NIN: variants seen among roughly 807,000 people sequenced by gnomAD.
NIN encodes the protein glycogen synthase kinase 3 beta-interacting protein.
A neutral mutation model predicts 257.6 loss-of-function variants in NIN; 137 were observed. The ratio of observed to expected loss-of-function variants is 0.53; its 90% CI spans 0.46 to 0.61. The LOEUF is 0.61. NIN is among the 20% of genes least tolerant of loss of function. The pLI, the probability that NIN is intolerant of heterozygous loss-of-function variation, is 0.00. For synonymous variants in NIN, 918 were observed against 919.8 expected (o/e 1.00, Z 0.04); for missense variants, 2,439 against 2,501.2 (o/e 0.98, Z 0.53).
chr14:50,813,518 C>T (rs1271576116), intron 3 of NIN, among the ~76,000 whole-genome samples: 1 of 152,190 alleles, frequency 6.6e-6, no homozygotes, highest in Non-Finnish European at 1.5e-5. Context: ...GAGAAATTTA[C>T]CTCATTACTT....
intron 4 of NIN, among the ~76,000 whole-genome samples, chr14:50,794,248 C>A (rs2043735253): frequency 6.6e-6 from 1 of 152,190 alleles, no homozygotes; most frequent in Non-Finnish European, 1.5e-5. Flanking sequence ...TGGCCAGACA[C>A]ATTCTGAACA....
rs566188075 is a variant in NIN, at chr14:50,830,574, A to C, written c.-75-57T>G. ...CTGGAGAAACGGGACAATACTTCGC[A>C]GCCGGCGCAGCGGTTCCGGGCGGGC... On this transcript the variant is annotated intron_variant, in intron 1 of 30. Coordinates refer to ENST00000530997, the MANE Select transcript of NIN (RefSeq NM_020921.4). 2.2e-3 allele frequency: 366 copies of C among 168,020 alleles called. 2 individuals are homozygous for C. The highest frequency in any genetic ancestry group is 8.4e-3 in the African/African-American group (350 of 41,614). The allele number at this position is 168,020 out of a possible 1,614,324, so 10.4% of individuals were successfully genotyped here. A position where few individuals can be genotyped will look rare whatever the true frequency, so the allele number is the denominator to read the frequency against.
In NIN at chr14:50,770,467, C is replaced by T. The variant is rs182667346; in HGVS notation, c.1355G>A (p.Arg452His). ...EQILQQAGKQ[R>H]LELEQEIEKA... ...TTCAATTTCCTGTTCAAGTTCTAAA[C>T]GCTGCTTGCCTGCCTGCTGCAGGAT... is the stretch of plus-strand genomic sequence containing the variant. Residue 452 changes from arginine to histidine, a missense_variant, in exon 12 of 31, where the codon CGT (arginine) becomes CAT (histidine). By Grantham distance (29) the Arg-to-His change is conservative. Coordinates refer to ENST00000530997, the MANE Select transcript of NIN (RefSeq NM_020921.4). The T allele has an allele frequency of 2.4e-5, 39 of 1,614,098 alleles. No individual in the cohort carries two copies. Among genetic ancestry groups the T allele is most frequent in the Middle Eastern group, 1.6e-4 (1 of 6,084 alleles).
chr14:50,759,508 TTTTG>T (rs1421747350), intron 17 of NIN, among the ~76,000 whole-genome samples: 1 of 152,006 alleles, frequency 6.6e-6, no homozygotes, highest in African/African-American at 2.4e-5. Context: ...TTTTTTTTTT[TTTTG>T]AGACGGAGTC....
intron 12 of NIN, among the ~76,000 whole-genome samples, chr14:50,770,148 G>A (rs952766360): frequency 2.0e-5 from 3 of 152,114 alleles, no homozygotes; most frequent in South Asian, 2.1e-4. Context: ...TAGTGAACCC[G>A]CAGTGGGAGA....
At chr14:50,802,511 T>C (rs1156750259) in intron 4 of NIN, among the ~76,000 whole-genome samples, 1 of 152,214 alleles carries the variant, frequency 6.6e-6, no homozygotes, top group Non-Finnish European at 1.5e-5. Context: ...AGAATTTATA[T>C]ACAACTGCCT....
intron 5 of NIN, among the ~76,000 whole-genome samples, chr14:50,783,633 A>G (rs1429596131): frequency 2.0e-5 from 3 of 147,730 alleles, no homozygotes; most frequent in African/African-American, 7.6e-5. Flanking sequence ...AGCATTTGTT[A>G]TTAAATTGCT....
At chr14:50,780,385 G>A (rs562299425) in intron 5 of NIN, among the ~76,000 whole-genome samples, 14 of 152,190 alleles carry the variant, frequency 9.2e-5, no homozygotes, top group Non-Finnish European at 1.0e-4. Context: ...CTTAGAATCC[G>A]AAAATAAACT....
intron 28 of NIN, among the ~76,000 whole-genome samples, chr14:50,734,120 G>A (rs73295453): frequency 1.3e-3 from 191 of 148,032 alleles, no homozygotes; most frequent in African/African-American, 4.5e-3. Context: ...GATGGAGTCC[G>A]GCATTGTTGC....
At chr14:50,725,022 C>T (rs2040357543) in intron 30 of NIN, among the ~76,000 whole-genome samples, 1 of 152,132 alleles carries the variant, frequency 6.6e-6, no homozygotes, top group Non-Finnish European at 1.5e-5. Context: ...TATCCCTGTG[C>T]CCACGGCAGG....
intron 8 of NIN, 121 bp from the exon 9 acceptor site, chr14:50,772,589 A>G: frequency 1.2e-6 from 1 of 834,006 alleles, no homozygotes; most frequent in Admixed American, 2.5e-5. Flanking sequence ...TGCCAGGAAA[A>G]AAGTCATGCA....
At chr14:50,794,543 A>C (rs555752836) in intron 4 of NIN, 1 of 883,546 alleles carries the variant, frequency 1.1e-6, no homozygotes, top group East Asian at 9.6e-5. Flanking sequence ...GATAAGAGGC[A>C]ATGCAGAACC....
intron 2 of NIN, among the ~76,000 whole-genome samples, chr14:50,825,964 T>G (rs1176722938): frequency 3.3e-5 from 5 of 152,212 alleles, no homozygotes; most frequent in Non-Finnish European, 5.9e-5. Flanking sequence ...GCTTTGGGAT[T>G]TAGGGCATGA....
Position 50,758,503 on chromosome 14 carries a change from C to G in NIN, c.2527G>C (p.Glu843Gln). 1 of 1,614,222 alleles carries G rather than the reference C, an allele frequency of 6.2e-7. No homozygotes were observed. Among genetic ancestry groups the G allele is most frequent in the South Asian group, 1.1e-5 (1 of 91,084 alleles). Residue 843 changes from glutamate (E) to glutamine (Q), a missense_variant, in exon 18 of 31, where the codon GAG (glutamate) becomes CAG (glutamine). By Grantham distance (29) the Glu-to-Gln change is conservative. Coordinates refer to ENST00000530997, the MANE Select transcript of NIN (RefSeq NM_020921.4). ...LQSLEGRYRQ[E>Q]LKDLQEQQRE... is the part of the protein sequence containing the mutation. ...TGCTGTTCCTGGAGGTCCTTCAGCTCTTGGCGGTAGCGCCCCTCCAGGCTT... is the reference window on the plus strand; with the variant it reads ...TGCTGTTCCTGGAGGTCCTTCAGCTGTTGGCGGTAGCGCCCCTCCAGGCTT...
In NIN at chr14:50,770,923, G is replaced by A; in HGVS notation, c.1188C>T (p.Leu396=). The A allele has an allele frequency of 6.2e-7, 1 of 1,614,192 alleles. No individual in the cohort carries two copies. The highest frequency in any genetic ancestry group is 8.5e-7 in the Non-Finnish European group (1 of 1,180,038). ...LRSDLDKAEK[L]KSLMASEVDD... is the part of the protein sequence containing the mutation. Reference sequence around the variant, plus strand: ...CCACCTCCGAGGCCATTAAAGACTTGAGCTTCTCGGCCTTGTCCAGATCTG... The same window carrying A: ...CCACCTCCGAGGCCATTAAAGACTTAAGCTTCTCGGCCTTGTCCAGATCTG... Residue 396 remains leucine, a synonymous_variant, in exon 11 of 31, where the codon CTC becomes CTT. Transcript: ENST00000530997.
At position 50,723,003 on chromosome 14, in the gene NIN, CAAAACTATTAT is replaced by C. The variant is rs2040299063; in HGVS notation, c.*449_*459del. The C allele has an allele frequency of 4.7e-6, 1 of 211,470 alleles. No homozygotes were observed. Among genetic ancestry groups the C allele is most frequent in the Admixed American group, 5.8e-5 (1 of 17,352 alleles). 13.1% of individuals were successfully genotyped at this position (211,470 alleles called of 1,614,324 possible). ...CTAATTGTCTACCAATTCAAAGAAC[CAAAACTATTAT>C]AATGACTTTCCAGTATTTAAATATG... On this transcript the variant is annotated 3_prime_UTR_variant, in exon 31 of 31. Coordinates refer to ENST00000530997, the MANE Select transcript of NIN (RefSeq NM_020921.4).
At chr14:50,738,354 T>G (rs1173662289) in intron 26 of NIN, 68 bp from the exon 27 acceptor site, 2 of 1,423,872 alleles carry the variant, frequency 1.4e-6, no homozygotes, top group African/African-American at 2.9e-5. Flanking sequence ...ACAACAAACA[T>G]AGGGAAAGTT....
rs1209073428 is a variant in NIN, at chr14:50,722,385, C to A, written c.*1078G>T. 1 of 212,918 alleles carries A rather than the reference C, an allele frequency of 4.7e-6. No individual in the cohort carries two copies. Among genetic ancestry groups the A allele is most frequent in the Non-Finnish European group, 9.5e-6 (1 of 105,186 alleles). The allele number at this position is 212,918 out of a possible 1,614,324, so 13.2% of individuals were successfully genotyped here. The stretch of plus-strand genomic sequence containing the variant: ...CTCTTCTATAAGTCAGGTTTTTAAC[C>A]CTAAAATCAAGGCCTTTTTTCCCCC... On this transcript the variant is annotated 3_prime_UTR_variant, in exon 31 of 31. Coordinates refer to ENST00000530997, the MANE Select transcript of NIN (RefSeq NM_020921.4).
intron 3 of NIN, among the ~76,000 whole-genome samples, chr14:50,808,253 C>T (rs954102333): frequency 6.6e-6 from 1 of 152,134 alleles, no homozygotes; most frequent in African/African-American, 2.4e-5. Context: ...GAGGGAGGGG[C>T]GGCCAGGTCC....
Sources: gnomAD v4.1 joint callset for allele counts (sites outside exome capture counted in the v4.1 genomes callset) on GRCh38, gnomAD v4.1.1 for gene constraint, MANE v1.5 for transcripts, NCBI Gene and HGNC (gene_info 2026-07-23, HGNC 2026-07-21) for gene names.